Variants in ANK3 observed in about 807,000 individuals in gnomAD.
ANK3 encodes the protein ankyrin-3.
A neutral mutation model predicts 370.9 loss-of-function variants in ANK3; 57 were observed. The ratio of observed to expected loss-of-function variants is 0.15; its 90% CI spans 0.12 to 0.19. The LOEUF (loss-of-function observed/expected upper bound fraction) is 0.19. Ranked by LOEUF, ANK3 falls within the 10% of genes least tolerant of loss-of-function variation. The pLI is 1.00. For synonymous variants in ANK3, 1,929 were observed against 1,946.3 expected (o/e 0.99, Z 0.23); for missense variants, 4,439 against 5,302.1 (o/e 0.84, Z 5.06).
At chr10:60,117,171 C>T (rs1006475811) in intron 25 of ANK3, among the ~76,000 whole-genome samples, 4 of 152,142 alleles carry the variant, frequency 2.6e-5, no homozygotes, top group African/African-American at 9.7e-5. Context: ...ATTTCTCATG[C>T]ACTCTCTGAG....
chr10:60,170,499 A>T (rs939485167), intron 21 of ANK3, among the ~76,000 whole-genome samples: 1 of 152,174 alleles, frequency 6.6e-6, no homozygotes, highest in African/African-American at 2.4e-5. Flanking sequence ...TGTACCAAAT[A>T]CCACAATGCT....
intron 17 of ANK3, among the ~76,000 whole-genome samples, chr10:60,184,430 C>G (rs956019225): frequency 4.6e-5 from 7 of 152,192 alleles, no homozygotes; most frequent in African/African-American, 1.2e-4. Flanking sequence ...CAAATGCCTT[C>G]TTATTAGATA....
intron 1 of ANK3, among the ~76,000 whole-genome samples, chr10:60,638,260 G>A (rs989633816): frequency 3.3e-5 from 5 of 152,138 alleles, no homozygotes; most frequent in African/African-American, 1.2e-4. Context: ...AGCCAGAGTG[G>A]AGAGACTTTG....
intron 2 of ANK3, among the ~76,000 whole-genome samples, chr10:60,436,028 C>T (rs2064147775): frequency 6.6e-6 from 1 of 151,118 alleles, no homozygotes; most frequent in Admixed American, 6.6e-5. Context: ...GCGGAGCTTG[C>T]AGTGAGCGGA....
intron 16 of ANK3, among the ~76,000 whole-genome samples, chr10:60,189,446 C>A (rs576929133): frequency 6.6e-6 from 1 of 152,260 alleles, no homozygotes; most frequent in South Asian, 2.1e-4. Context: ...ACTATTATTG[C>A]TCAAGGATTT....
At chr10:60,539,571 A>G (rs1391145420) in intron 2 of ANK3, among the ~76,000 whole-genome samples, 1 of 151,996 alleles carries the variant, frequency 6.6e-6, no homozygotes, top group Non-Finnish European at 1.5e-5. Flanking sequence ...TTAAATTACA[A>G]TAAAACTGTA....
At chr10:60,442,392 G>A (rs1245591801) in intron 2 of ANK3, among the ~76,000 whole-genome samples, 1 of 152,002 alleles carries the variant, frequency 6.6e-6, no homozygotes, top group East Asian at 1.9e-4. Flanking sequence ...CACCACGCTG[G>A]ACAATCCTCC....
chr10:60,162,841 C>T (rs2095531618), intron 23 of ANK3, among the ~76,000 whole-genome samples: 1 of 152,154 alleles, frequency 6.6e-6, no homozygotes, highest in Non-Finnish European at 1.5e-5. Context: ...TTTTACTTTG[C>T]ATGGCTTAAT....
chr10:60,119,163 C>T (rs188971962), intron 25 of ANK3, among the ~76,000 whole-genome samples: 7 of 152,258 alleles, frequency 4.6e-5, no homozygotes, highest in Admixed American at 2.6e-4. Flanking sequence ...TATGAGCAGA[C>T]GTAACTCAAT....
At chr10:60,040,460 TTAGGCTTGTCAAG>T (rs1332635666) in intron 43 of ANK3, among the ~76,000 whole-genome samples, 1 of 152,154 alleles carries the variant, frequency 6.6e-6, no homozygotes, top group Non-Finnish European at 1.5e-5. Context: ...GAAAGTAAAA[TTAGGCTTGTCAAG>T]TCACTGTTCT....
rs1432783607 is a variant in ANK3, at chr10:60,127,705, T to C, written c.2841+6566A>G. Among the ~76,000 whole-genome samples the C allele has an allele frequency of 2.0e-5, 3 of 150,444 alleles. No individual in the cohort carries two copies. The East Asian group carries it at 5.8e-4, about 29-fold the overall frequency. On this transcript the variant is annotated intron_variant, in intron 25 of 43. Coordinates refer to ENST00000280772, the MANE Select transcript of ANK3 (RefSeq NM_020987.5). Reference sequence around the variant, plus strand: ...ATAATTTTTAGTTTTTCATACTTTTTTTTTTTTTTTGGAGACAGAGTCTCG... The same window carrying C: ...ATAATTTTTAGTTTTTCATACTTTTCTTTTTTTTTTGGAGACAGAGTCTCG...
At position 60,313,511 on chromosome 10, in the gene ANK3, T is replaced by C. The variant is rs147419233; in HGVS notation, c.115-33872A>G. Among the ~76,000 whole-genome samples the C allele has an allele frequency of 8.5e-5, 13 of 152,300 alleles. No homozygotes were observed. The East Asian group carries it at 2.1e-3, about 25-fold the overall frequency. ...ATATAGATCTTCTGCTGTCCACAGC[T>C]TATCTCTTTGCCTGTCCTCCAGGGC... On this transcript the variant is annotated intron_variant, in intron 1 of 43. Transcript: ENST00000280772.
intron 2 of ANK3, among the ~76,000 whole-genome samples, chr10:60,583,353 G>A (rs1009701378): frequency 1.4e-4 from 22 of 152,102 alleles, no homozygotes; most frequent in Admixed American, 8.5e-4. Context: ...CAGGGATAGG[G>A]AAGAAAAGAG....
At chr10:60,130,274 G>A (rs921643480) in intron 25 of ANK3, among the ~76,000 whole-genome samples, 1 of 152,178 alleles carries the variant, frequency 6.6e-6, no homozygotes, top group African/African-American at 2.4e-5. Flanking sequence ...TAGAGGGTGA[G>A]GTGGCAGTCC....
intron 23 of ANK3, among the ~76,000 whole-genome samples, chr10:60,151,355 A>T (rs1483605341): frequency 6.6e-6 from 1 of 152,200 alleles, no homozygotes; most frequent in African/African-American, 2.4e-5. Context: ...CTCTGTAAAG[A>T]GTGAATGCTT....
chr10:60,508,911 A>G (rs907649299), intron 2 of ANK3, among the ~76,000 whole-genome samples: 6 of 152,196 alleles, frequency 3.9e-5, no homozygotes, highest in Non-Finnish European at 7.4e-5. Context: ...GTTGAAGACA[A>G]TAAAACAGGT....
chr10:60,561,737 A>T (rs1431362548), intron 2 of ANK3, among the ~76,000 whole-genome samples: 4 of 152,202 alleles, frequency 2.6e-5, no homozygotes, highest in African/African-American at 7.2e-5. Flanking sequence ...GAGCACCACA[A>T]GGCCTTTCCC....
At chr10:60,056,063 A>G in intron 41 of ANK3, 27 bp from the exon 42 acceptor site, 1 of 1,577,602 alleles carries the variant, frequency 6.3e-7, no homozygotes. Context: ...GCAAATTCAC[A>G]ATGGCAAACT....
intron 25 of ANK3, among the ~76,000 whole-genome samples, chr10:60,117,976 A>G (rs551659992): frequency 5.9e-4 from 90 of 152,172 alleles, no homozygotes; most frequent in Admixed American, 1.5e-3. Context: ...AAAAGTGTGG[A>G]AAAAAAAGCT....
Sources: allele counts gnomAD v4.1 joint callset (sites outside exome capture counted in the v4.1 genomes callset), GRCh38; gene constraint gnomAD v4.1.1; transcripts MANE v1.5; gene names NCBI Gene and HGNC (gene_info 2026-07-23, HGNC 2026-07-21).